The following DCHS2 variants were observed in gnomAD, a reference collection of about 807,000 sequenced individuals.
DCHS2 encodes dachsous cadherin-related 2, also known as protocadherin-23.
DCHS2 carries 142 observed loss-of-function variants against 182.4 expected under a neutral mutation model. That is an observed-to-expected ratio of 0.78 (90% CI 0.68 to 0.89). The LOEUF (loss-of-function observed/expected upper bound fraction) is 0.89. DCHS2 is among the 40% of genes least tolerant of loss of function. The pLI is 0.00. For missense variants in DCHS2, 4,319 were observed against 4,198.6 expected (o/e 1.03, Z -0.79); for synonymous variants, 1,740 against 1,663.3 (o/e 1.05, Z -1.12).
intron 3 of DCHS2, among the ~76,000 whole-genome samples, chr4:154,352,776 C>G (rs1452646752): frequency 2.0e-5 from 3 of 152,174 alleles, no homozygotes; most frequent in Non-Finnish European, 4.4e-5. Context: ...AAGCAGCATA[C>G]TGAATTTGGC....
chr4:154,303,957 CT>C (rs1374543263), intron 12 of DCHS2, among the ~76,000 whole-genome samples: 2 of 152,060 alleles, frequency 1.3e-5, no homozygotes, highest in Non-Finnish European at 2.9e-5. Flanking sequence ...TGGAATTCTC[CT>C]TGAACCCATT....
chr4:154,349,095 A>G (rs1459192806), intron 3 of DCHS2, among the ~76,000 whole-genome samples: 1 of 152,052 alleles, frequency 6.6e-6, no homozygotes, highest in Non-Finnish European at 1.5e-5. Context: ...ATGACAACAA[A>G]TTTAGTTTAA....
intron 3 of DCHS2, among the ~76,000 whole-genome samples, chr4:154,340,096 T>C (rs984594112): frequency 6.7e-5 from 10 of 149,824 alleles, no homozygotes; most frequent in African/African-American, 2.2e-4. Flanking sequence ...TTAACTTTTT[T>C]AGGACTATGA....
chr4:154,370,762 C>G (rs1347373637), intron 2 of DCHS2, among the ~76,000 whole-genome samples: 1 of 152,090 alleles, frequency 6.6e-6, no homozygotes, highest in Admixed American at 6.6e-5. Flanking sequence ...TTATTTTTCT[C>G]CAAGTACTTC....
At chr4:154,272,304 C>T (rs1477625622) in intron 13 of DCHS2, 2 of 151,984 alleles carry the variant, frequency 1.3e-5, no homozygotes, top group Non-Finnish European at 2.9e-5. Flanking sequence ...TACATTTAAC[C>T]TTATAAGAAA....
intron 12 of DCHS2, chr4:154,298,936 C>A: frequency 2.2e-6 from 1 of 448,568 alleles, no homozygotes; most frequent in Non-Finnish European, 3.6e-6. Flanking sequence ...GATTCAATGC[C>A]TATCTTTAAT....
intron 1 of DCHS2, among the ~76,000 whole-genome samples, chr4:154,412,438 AG>A (rs1732670723): frequency 1.3e-5 from 2 of 152,202 alleles, no homozygotes; most frequent in Non-Finnish European, 2.9e-5. Flanking sequence ...CCAGAAAAAG[AG>A]GAAGAGAAGG....
chr4:154,363,901 G>A (rs545201279), intron 3 of DCHS2, among the ~76,000 whole-genome samples: 8 of 152,160 alleles, frequency 5.3e-5, no homozygotes, highest in East Asian at 3.9e-4. Flanking sequence ...CCTGTTCACC[G>A]GACAACTTTT....
intron 1 of DCHS2, among the ~76,000 whole-genome samples, chr4:154,420,651 A>T (rs1733073933): frequency 6.6e-6 from 1 of 152,124 alleles, no homozygotes. Context: ...TTTTTGCTCT[A>T]TCTGGGCCCT....
chr4:154,381,347 G>A (rs1234349129), intron 1 of DCHS2, among the ~76,000 whole-genome samples: 4 of 151,998 alleles, frequency 2.6e-5, no homozygotes, highest in Non-Finnish European at 5.9e-5. Context: ...TGATTCCATT[G>A]TTAGCTTTCT....
chr4:154,476,126 G>C (rs1032642906), intron 1 of DCHS2, among the ~76,000 whole-genome samples: 1 of 152,174 alleles, frequency 6.6e-6, no homozygotes, highest in South Asian at 2.1e-4. Flanking sequence ...AAACTAAAAA[G>C]TTAAAATATT....
intron 1 of DCHS2, among the ~76,000 whole-genome samples, chr4:154,462,169 G>T (rs1233697012): frequency 6.6e-6 from 1 of 152,014 alleles, no homozygotes; most frequent in Admixed American, 6.6e-5. Flanking sequence ...AGTATCTTTG[G>T]TTGCTCTTTG....
chr4:154,465,812 C>G (rs1283590453), intron 1 of DCHS2, among the ~76,000 whole-genome samples: 1 of 152,150 alleles, frequency 6.6e-6, no homozygotes, highest in Non-Finnish European at 1.5e-5. Context: ...GATGCCTCAT[C>G]ATGCTGGGCC....
rs146995698 is a variant in DCHS2, at chr4:154,362,899, T to G, written c.2476+3311A>C. Among the ~76,000 whole-genome samples, 970 of 152,284 alleles carry G rather than the reference T, an allele frequency of 6.4e-3. 12 individuals carry two copies. The highest frequency in any genetic ancestry group is 0.022 in the African/African-American group (915 of 41,552). On this transcript the variant is annotated intron_variant, in intron 3 of 19. Coordinates refer to ENST00000357232, the MANE Select transcript of DCHS2 (RefSeq NM_001358235.2). ...TTGTAAGAATACAGTATATAATACA[T>G]AAAACACACAAAAGATGTGTTAACC...
intron 12 of DCHS2, among the ~76,000 whole-genome samples, chr4:154,303,246 T>C (rs1029896167): frequency 2.0e-5 from 3 of 152,066 alleles, no homozygotes; most frequent in Admixed American, 1.3e-4. Context: ...CCTCCCAAAG[T>C]GCTGGGATGA....
chr4:154,327,938 G>A (rs1490424383), intron 7 of DCHS2, among the ~76,000 whole-genome samples, 155 bp downstream of exon 7: 3 of 152,130 alleles, frequency 2.0e-5, no homozygotes, highest in Admixed American at 6.5e-5. Context: ...CTTGACAATA[G>A]CAAATGTATT....
Position 154,332,872 on chromosome 4 carries a change from G to C in DCHS2, c.3336C>G (p.Gly1112=). The C allele has an allele frequency of 1.2e-6, 2 of 1,614,200 alleles. No homozygotes were observed. Among genetic ancestry groups the C allele is most frequent in the Non-Finnish European group, 1.7e-6 (2 of 1,180,034 alleles). ...TAAGAGGCGAGGCTGCACGCTGGGGGCCAAGTGGGTGCGCCTGTGTTTGCA... is the reference window on the plus strand; with the variant it reads ...TAAGAGGCGAGGCTGCACGCTGGGGCCCAAGTGGGTGCGCCTGTGTTTGCA... ...QMLQTQAHPL[G]PQRAASPLRY... Residue 1112 remains glycine (G), a synonymous_variant, in exon 5 of 20, where the codon GGC becomes GGG. Coordinates refer to ENST00000357232, the MANE Select transcript of DCHS2 (RefSeq NM_001358235.2).
intron 1 of DCHS2, chr4:154,391,177 C>A: frequency 6.2e-7 from 1 of 1,612,474 alleles, no homozygotes; most frequent in Non-Finnish European, 8.5e-7. Flanking sequence ...TGAGATTTCA[C>A]AATGGAATTT....
intron 1 of DCHS2, among the ~76,000 whole-genome samples, chr4:154,475,944 C>T (rs1735663448): frequency 6.6e-6 from 1 of 152,154 alleles, no homozygotes. Flanking sequence ...TTTCCTCTTG[C>T]TGTGTCTCAC....
Sources: allele counts gnomAD v4.1 joint callset (sites outside exome capture counted in the v4.1 genomes callset), GRCh38; gene constraint gnomAD v4.1.1; transcripts MANE v1.5; gene names NCBI Gene and HGNC (gene_info 2026-07-23, HGNC 2026-07-21).